DPP10: variants seen among roughly 807,000 people sequenced by gnomAD.
DPP10 encodes the protein inactive dipeptidyl peptidase 10.
In DPP10, 33 loss-of-function variants were observed where a neutral mutation model predicts 120.9. The observed-to-expected ratio is 0.27, with a 90% CI of 0.21 to 0.37. The LOEUF is 0.37. Among genes scored for constraint, DPP10 ranks in the 10% least tolerant of loss-of-function variants. DPP10 has a pLI of 1.00. For synonymous variants in DPP10, 337 were observed against 326.1 expected, an observed-to-expected ratio of 1.03 and a Z score of -0.36; for missense variants, 816 against 942.8, an observed-to-expected ratio of 0.87 and a Z score of 1.76.
chr2:114,908,995 A>C (rs2106635209), intron 1 of DPP10, among the ~76,000 whole-genome samples: 1 of 151,960 alleles, frequency 6.6e-6, no homozygotes, highest in African/African-American at 2.4e-5. Flanking sequence ...GAAGTTAATT[A>C]ATTTTTTATA....
intron 1 of DPP10, among the ~76,000 whole-genome samples, chr2:114,648,340 A>T (rs924565549): frequency 1.3e-5 from 2 of 152,198 alleles, no homozygotes; most frequent in Non-Finnish European, 2.9e-5. Flanking sequence ...AAGTAGGGTT[A>T]AATCTCAGAC....
chr2:115,146,338 T>C (rs1366201574), intron 1 of DPP10, among the ~76,000 whole-genome samples: 1 of 152,140 alleles, frequency 6.6e-6, no homozygotes, highest in African/African-American at 2.4e-5. Context: ...AGAGCCATTA[T>C]ACTACCATTC....
At chr2:114,532,324 C>T (rs60578007) in intron 1 of DPP10, among the ~76,000 whole-genome samples, 32,018 of 141,372 alleles carry the variant, frequency 0.23, 4,331 homozygotes, top group East Asian at 0.52. Flanking sequence ...CACAGATACA[C>T]ACCATATATA....
chr2:115,380,677 G>A (rs1389036347), intron 3 of DPP10, among the ~76,000 whole-genome samples: 2 of 152,078 alleles, frequency 1.3e-5, no homozygotes, highest in African/African-American at 2.4e-5. Context: ...GCATGATTTT[G>A]CAGTGGCTGG....
At chr2:115,615,870 CTAATAT>C (rs909206238) in intron 5 of DPP10, among the ~76,000 whole-genome samples, 9 of 151,930 alleles carry the variant, frequency 5.9e-5, no homozygotes, top group African/African-American at 1.7e-4. Context: ...TTATGAAGAA[CTAATAT>C]TATAAGTATC....
At chr2:115,044,967 T>A (rs573455297) in intron 1 of DPP10, among the ~76,000 whole-genome samples, 4 of 152,162 alleles carry the variant, frequency 2.6e-5, no homozygotes, top group Middle Eastern at 3.2e-3. Flanking sequence ...TTTTTATAGA[T>A]GAATAGTACT....
At chr2:115,622,863 G>A (rs2085071092) in intron 5 of DPP10, among the ~76,000 whole-genome samples, 1 of 139,946 alleles carries the variant, frequency 7.1e-6, no homozygotes, top group Non-Finnish European at 1.5e-5. Context: ...TGTTTTTTGA[G>A]ATGGAGTCTC....
At chr2:114,869,145 A>G (rs539375560) in intron 1 of DPP10, among the ~76,000 whole-genome samples, 1 of 152,182 alleles carries the variant, frequency 6.6e-6, no homozygotes, top group African/African-American at 2.4e-5. Flanking sequence ...ACAAAATAAA[A>G]ATATGCAATT....
At chr2:114,699,887 T>A (rs1700286902) in intron 1 of DPP10, among the ~76,000 whole-genome samples, 1 of 152,080 alleles carries the variant, frequency 6.6e-6, no homozygotes, top group Non-Finnish European at 1.5e-5. Context: ...ATTTTTGTAA[T>A]CTATTAGTTA....
chr2:115,258,078 T>A (rs981183363), intron 1 of DPP10, among the ~76,000 whole-genome samples: 2 of 152,240 alleles, frequency 1.3e-5, no homozygotes, highest in Non-Finnish European at 2.9e-5. Flanking sequence ...AAAATATTTC[T>A]GTTTAAAAGC....
intron 1 of DPP10, among the ~76,000 whole-genome samples, chr2:114,547,358 C>T (rs559830251): frequency 6.6e-6 from 1 of 152,208 alleles, no homozygotes; most frequent in South Asian, 2.1e-4. Flanking sequence ...TGGGAGGCAT[C>T]GGGGTTGGCA....
At chr2:115,032,143 A>AT (rs1703883616) in intron 1 of DPP10, among the ~76,000 whole-genome samples, 1 of 152,134 alleles carries the variant, frequency 6.6e-6, no homozygotes, top group East Asian at 1.9e-4. Flanking sequence ...ATAGAAGAAA[A>AT]TATCCTGGAA....
chr2:115,398,037 G>A (rs2067806836), intron 3 of DPP10, among the ~76,000 whole-genome samples: 1 of 152,054 alleles, frequency 6.6e-6, no homozygotes, highest in South Asian at 2.1e-4. Context: ...GAAATTTATG[G>A]ATGCTTTCCT....
At chr2:115,208,205 C>CT (rs72174314) in intron 1 of DPP10, among the ~76,000 whole-genome samples, 28,151 of 123,302 alleles carry the variant, frequency 0.23, 3,699 homozygotes, top group East Asian at 0.4. Flanking sequence ...TTTTTTTTTT[C>CT]TTTTTTTTTT....
At chr2:114,952,519 C>A (rs1316130122) in intron 1 of DPP10, among the ~76,000 whole-genome samples, 2 of 152,194 alleles carry the variant, frequency 1.3e-5, no homozygotes, top group Non-Finnish European at 2.9e-5. Flanking sequence ...AATAGCCTAA[C>A]TTCTCTGGTC....
At chr2:115,374,600 G>T (rs2065649892) in intron 3 of DPP10, among the ~76,000 whole-genome samples, 1 of 152,236 alleles carries the variant, frequency 6.6e-6, no homozygotes, top group South Asian at 2.1e-4. Flanking sequence ...ACTGCCTTAG[G>T]AGAGGTTTTC....
intron 5 of DPP10, among the ~76,000 whole-genome samples, chr2:115,600,471 C>T (rs931650079): frequency 9.2e-5 from 14 of 152,300 alleles, no homozygotes; most frequent in Middle Eastern, 3.4e-3. Flanking sequence ...TTTTTATTTA[C>T]ATATCAACTT....
At chr2:115,815,921 G>GTA (rs998706517) in intron 21 of DPP10, among the ~76,000 whole-genome samples, 192 bp downstream of exon 21, 5 of 151,252 alleles carry the variant, frequency 3.3e-5, no homozygotes, top group African/African-American at 1.2e-4. Flanking sequence ...AGTCTGAAAT[G>GTA]TATATATATA....
At chr2:115,292,637 G>C (rs1341281044) in intron 1 of DPP10, among the ~76,000 whole-genome samples, 1 of 151,994 alleles carries the variant, frequency 6.6e-6, no homozygotes, top group Non-Finnish European at 1.5e-5. Flanking sequence ...CTCCAATGTG[G>C]TATGTGTTTA....
Sources: gnomAD v4.1 joint callset for allele counts (sites outside exome capture counted in the v4.1 genomes callset) on GRCh38, gnomAD v4.1.1 for gene constraint, MANE v1.5 for transcripts, NCBI Gene and HGNC (gene_info 2026-07-23, HGNC 2026-07-21) for gene names.